The following EXT1 variants were observed in gnomAD, a reference collection of about 807,000 sequenced individuals.
EXT1 encodes exostosin-1.
EXT1 carries 20 observed loss-of-function variants against 82.5 expected under a neutral mutation model. The ratio of observed to expected loss-of-function variants is 0.24; its 90% confidence interval spans 0.17 to 0.35. EXT1 has a LOEUF of 0.35. EXT1 is among the 10% of genes least tolerant of loss of function. The pLI is 1.00. For missense variants in EXT1, 757 were observed against 936.5 expected (o/e 0.81, Z 2.50); for synonymous variants, 348 against 350.8 (o/e 0.99, Z 0.09).
At chr8:117,939,194 T>A (rs1403825748) in intron 1 of EXT1, among the ~76,000 whole-genome samples, 1 of 152,204 alleles carries the variant, frequency 6.6e-6, no homozygotes, top group East Asian at 1.9e-4. Flanking sequence ...TCTGTGAATG[T>A]GTGTCAATTT....
At chr8:117,801,825 G>A (rs1040648836) in intron 10 of EXT1, among the ~76,000 whole-genome samples, 2 of 152,140 alleles carry the variant, frequency 1.3e-5, no homozygotes, top group Admixed American at 6.5e-5. Flanking sequence ...TTTTTGATTG[G>A]CCCACTCATT....
intron 1 of EXT1, among the ~76,000 whole-genome samples, chr8:117,858,909 G>GAAAT (rs1812634320): frequency 2.8e-5 from 4 of 143,860 alleles, no homozygotes; most frequent in African/African-American, 1.0e-4. Context: ...AAGAAAGAAA[G>GAAAT]AAATTGCCAC....
chr8:118,008,617 T>C (rs1431260689), intron 1 of EXT1, among the ~76,000 whole-genome samples: 1 of 152,190 alleles, frequency 6.6e-6, no homozygotes, highest in Non-Finnish European at 1.5e-5. Flanking sequence ...CACGCTATTA[T>C]ATGAAGATAT....
chr8:117,970,114 C>T (rs561113563), intron 1 of EXT1, among the ~76,000 whole-genome samples: 47 of 152,218 alleles, frequency 3.1e-4, no homozygotes, highest in Admixed American at 7.2e-4. Context: ...CATGAACTGC[C>T]AGCCTGCAGA....
At position 117,971,307 on chromosome 8, in the gene EXT1, T is replaced by G. The variant is rs191203965; in HGVS notation, c.963-134106A>C. Among the ~76,000 whole-genome samples, 72 of 152,240 alleles carry G rather than the reference T, an allele frequency of 4.7e-4. No individual in the cohort carries two copies. The East Asian group carries it at 0.013, about 28-fold the overall frequency. On this transcript the variant is annotated intron_variant, in intron 1 of 10. Transcript: ENST00000378204. Reference sequence around the variant, plus strand: ...CTTCACCTCCCCTGCCCTCAAAGCCTTAGTAAGTGGGCAAATTCCTAAAGT... The same window carrying G: ...CTTCACCTCCCCTGCCCTCAAAGCCGTAGTAAGTGGGCAAATTCCTAAAGT...
At chr8:117,858,876 A>G (rs879397194) in intron 1 of EXT1, among the ~76,000 whole-genome samples, 4,317 of 80,592 alleles carry the variant, frequency 0.054, 203 homozygotes, top group Admixed American at 0.078. Context: ...AAAGAAAGAA[A>G]GAAAGAAAGA....
At chr8:118,105,138 G>GGCCCTACCAA (rs1161326239) in intron 1 of EXT1, among the ~76,000 whole-genome samples, 1 of 152,200 alleles carries the variant, frequency 6.6e-6, no homozygotes, top group African/African-American at 2.4e-5. Context: ...AAAGCAGCCA[G>GGCCCTACCAA]GCCCTACCAA....
chr8:117,836,140 C>A (rs1812185523), intron 2 of EXT1, among the ~76,000 whole-genome samples: 1 of 152,182 alleles, frequency 6.6e-6, no homozygotes, highest in Non-Finnish European at 1.5e-5. Flanking sequence ...AATTTATGGT[C>A]TGTGCCGGGA....
chr8:117,870,396 G>GT (rs1812847801), intron 1 of EXT1, among the ~76,000 whole-genome samples: 1 of 151,598 alleles, frequency 6.6e-6, no homozygotes, highest in Admixed American at 6.6e-5. Flanking sequence ...ATGCTAGTCT[G>GT]TTATTTGCTA....
At chr8:118,025,252 C>T (rs560223309) in intron 1 of EXT1, among the ~76,000 whole-genome samples, 1 of 152,266 alleles carries the variant, frequency 6.6e-6, no homozygotes, top group Admixed American at 6.5e-5. Context: ...GAACCAGATC[C>T]ACTCCTGGCT....
chr8:118,022,206 C>G (rs1340742062), intron 1 of EXT1, among the ~76,000 whole-genome samples: 1 of 150,914 alleles, frequency 6.6e-6, no homozygotes, highest in African/African-American at 2.4e-5. Flanking sequence ...GAGCAATAAC[C>G]TATTTGGTAT....
chr8:118,042,295 T>C (rs1299355034), intron 1 of EXT1, among the ~76,000 whole-genome samples: 1 of 148,138 alleles, frequency 6.8e-6, no homozygotes. Flanking sequence ...TAGTTTTGTT[T>C]TTTGTTTTGT....
intron 1 of EXT1, among the ~76,000 whole-genome samples, chr8:117,903,755 T>C (rs1285826466): frequency 6.6e-6 from 1 of 152,214 alleles, no homozygotes; most frequent in African/African-American, 2.4e-5. Flanking sequence ...TAATCAGGAA[T>C]GTACGGACAG....
chr8:118,087,205 C>T (rs538624214), intron 1 of EXT1, among the ~76,000 whole-genome samples: 6 of 152,254 alleles, frequency 3.9e-5, no homozygotes, highest in East Asian at 1.9e-4. Context: ...TAATAATTTT[C>T]GTACTTCCCA....
chr8:117,811,685 C>T (rs1823326882), intron 8 of EXT1, among the ~76,000 whole-genome samples: 1 of 150,536 alleles, frequency 6.6e-6, no homozygotes, highest in Admixed American at 6.6e-5. Flanking sequence ...GGTACGATGT[C>T]CGCTCACTGT....
chr8:118,016,664 C>T (rs1816009892), intron 1 of EXT1, among the ~76,000 whole-genome samples: 1 of 152,204 alleles, frequency 6.6e-6, no homozygotes, highest in Non-Finnish European at 1.5e-5. Context: ...GCATTATGCT[C>T]ACCAAAAGGC....
At chr8:117,969,793 G>A (rs1281994816) in intron 1 of EXT1, among the ~76,000 whole-genome samples, 2 of 152,194 alleles carry the variant, frequency 1.3e-5, no homozygotes, top group Non-Finnish European at 2.9e-5. Flanking sequence ...CTCCTACAGA[G>A]CACTCTGAAG....
At chr8:117,811,430 C>G (rs1314304181) in intron 8 of EXT1, among the ~76,000 whole-genome samples, 3 of 152,086 alleles carry the variant, frequency 2.0e-5, no homozygotes, top group South Asian at 2.1e-4. Context: ...CACCTTTAAT[C>G]CCCAAAGCAT....
intron 1 of EXT1, among the ~76,000 whole-genome samples, chr8:118,030,109 G>A (rs867388949): frequency 1.3e-5 from 2 of 152,052 alleles, no homozygotes; most frequent in African/African-American, 2.4e-5. Flanking sequence ...ATTTAAAACC[G>A]TGCTTTTCTC....
Sources: gnomAD v4.1 joint callset for allele counts (sites outside exome capture counted in the v4.1 genomes callset) on GRCh38, gnomAD v4.1.1 for gene constraint, MANE v1.5 for transcripts, NCBI Gene and HGNC (gene_info 2026-07-23, HGNC 2026-07-21) for gene names.